The following STX18 variants were observed in gnomAD, a reference collection of about 807,000 sequenced individuals.
STX18 encodes syntaxin-18.
In STX18, 40 loss-of-function variants were observed where a neutral mutation model predicts 50.1. The observed-to-expected ratio is 0.80, with a 90% confidence interval of 0.62 to 1.04. The LOEUF (loss-of-function observed/expected upper bound fraction) is 1.04, where lower values mean the gene tolerates loss of function less well. STX18 is among the 50% of genes least tolerant of loss of function. The probability of loss-of-function intolerance (pLI) is 0.00; values close to 1 mark genes in which losing one functional copy is unlikely to be tolerated. For missense variants in STX18, 410 were observed against 415.8 expected (o/e 0.99, Z 0.12); for synonymous variants, 158 against 151.8 (o/e 1.04, Z -0.30).
chr4:4,423,813 C>T, intron 8 of STX18: 1 of 564,624 alleles, frequency 1.8e-6, no homozygotes, highest in Non-Finnish European at 3.2e-6. Flanking sequence ...TTTTGGAAGT[C>T]CACTCTACCA....
chr4:4,515,799 T>C lies in STX18; in HGVS notation c.168+25998A>G, dbSNP rs114124109. Among the ~76,000 whole-genome samples, 973 of 152,232 alleles carry C rather than the reference T, an allele frequency of 6.4e-3. 14 individuals are homozygous for C. The highest frequency in any genetic ancestry group is 0.022 in the African/African-American group (925 of 41,552). ...TAGTCAGCAGCAACATTTTAAAGGCTACTTAAAAAAATACTACTCACTGGT... is the reference window on the plus strand; with the variant it reads ...TAGTCAGCAGCAACATTTTAAAGGCCACTTAAAAAAATACTACTCACTGGT... On this transcript the variant is annotated intron_variant, in intron 1 of 10. Coordinates refer to ENST00000306200, the MANE Select transcript of STX18 (RefSeq NM_016930.4).
intron 2 of STX18, among the ~76,000 whole-genome samples, chr4:4,469,467 T>C (rs1727799728): frequency 6.6e-6 from 1 of 152,046 alleles, no homozygotes; most frequent in South Asian, 2.1e-4. Context: ...AGGTCAAATG[T>C]ATAAACTAAA....
At position 4,527,867 on chromosome 4, in the gene STX18, C is replaced by CATATAT. The variant is rs1553851958; in HGVS notation, c.168+13924_168+13929dup. 1.8e-3 allele frequency among the ~76,000 whole-genome samples: 245 copies of CATATAT among 137,198 alleles called. 1 individual carries two copies. Among genetic ancestry groups the CATATAT allele is most frequent in the African/African-American group, 5.9e-3 (225 of 37,862 alleles). 90.0% of individuals were successfully genotyped at this position (137,198 alleles called of 152,430 possible). On this transcript the variant is annotated intron_variant, in intron 1 of 10. Coordinates refer to ENST00000306200, the MANE Select transcript of STX18 (RefSeq NM_016930.4). ...ATATATATATACACACACACACACACATATATATATATATTAAAAACTACC... is the reference window on the plus strand; with the variant it reads ...ATATATATATACACACACACACACACATATATATATATATATATATTAAAAACTACC...
At chr4:4,425,357 T>A in intron 7 of STX18, 135 bp from the exon 8 acceptor site, 1 of 751,372 alleles carries the variant, frequency 1.3e-6, no homozygotes, top group African/African-American at 1.7e-5. Flanking sequence ...CAGCCGGTGC[T>A]GGACGACCGT....
chr4:4,438,304 T>G, intron 6 of STX18, 90 bp downstream of exon 6: 5 of 988,280 alleles, frequency 5.1e-6, no homozygotes, highest in Non-Finnish European at 7.8e-6. Flanking sequence ...AAAACATGTC[T>G]GAGACTGTGC....
intron 2 of STX18, among the ~76,000 whole-genome samples, chr4:4,469,107 A>T (rs1241080585): frequency 6.6e-6 from 1 of 152,186 alleles, no homozygotes; most frequent in African/African-American, 2.4e-5. Flanking sequence ...GAAGTCACAG[A>T]TGAGCATTAG....
intron 1 of STX18, among the ~76,000 whole-genome samples, chr4:4,475,167 A>G (rs1247892002): frequency 6.6e-6 from 1 of 152,224 alleles, no homozygotes; most frequent in African/African-American, 2.4e-5. Flanking sequence ...GCACATAATT[A>G]TTATACAAGA....
intron 9 of STX18, 138 bp downstream of exon 9, chr4:4,423,380 C>T (rs1048028019): frequency 4.4e-5 from 36 of 817,120 alleles, no homozygotes; most frequent in African/African-American, 1.0e-4. Flanking sequence ...AGGAGCTCTG[C>T]GCACACACAC....
At chr4:4,493,947 C>T (rs555211300) in intron 1 of STX18, among the ~76,000 whole-genome samples, 2 of 152,278 alleles carry the variant, frequency 1.3e-5, no homozygotes, top group East Asian at 1.9e-4. Context: ...GTTTGAATGT[C>T]TTTAACTCTT....
intron 1 of STX18, among the ~76,000 whole-genome samples, chr4:4,508,421 C>T (rs1416366410): frequency 1.3e-5 from 2 of 151,868 alleles, no homozygotes; most frequent in Non-Finnish European, 2.9e-5. Flanking sequence ...GTGTGTTGCA[C>T]AAAGATTATA....
chr4:4,484,811 A>G (rs181230086), intron 1 of STX18, among the ~76,000 whole-genome samples: 48 of 152,340 alleles, frequency 3.2e-4, no homozygotes, highest in Non-Finnish European at 3.8e-4. Flanking sequence ...CCGGTTAATA[A>G]TGACTACTTT....
intron 1 of STX18, among the ~76,000 whole-genome samples, chr4:4,487,033 T>C (rs1728728361): frequency 6.6e-6 from 1 of 152,122 alleles, no homozygotes; most frequent in Non-Finnish European, 1.5e-5. Context: ...AACAAAAAAC[T>C]TTCTGCCTGT....
At chr4:4,458,319 G>A (rs1219519889) in intron 3 of STX18, among the ~76,000 whole-genome samples, 1 of 152,134 alleles carries the variant, frequency 6.6e-6, no homozygotes, top group African/African-American at 2.4e-5. Context: ...ATGCCCTTAA[G>A]GGTAGAGGGC....
chr4:4,525,236 CTTG>C (rs1730695953), intron 1 of STX18, among the ~76,000 whole-genome samples: 1 of 152,114 alleles, frequency 6.6e-6, no homozygotes, highest in Non-Finnish European at 1.5e-5. Context: ...GGCAATTTAA[CTTG>C]TTGAAGGGTT....
At chr4:4,483,926 A>G (rs1728576490) in intron 1 of STX18, among the ~76,000 whole-genome samples, 2 of 151,500 alleles carry the variant, frequency 1.3e-5, no homozygotes, top group African/African-American at 2.4e-5. Flanking sequence ...CAGTGGCATG[A>G]TCTCAGCTCA....
chr4:4,542,049 G>T (rs1731636995), upstream of STX18: 7 of 1,378,914 alleles, frequency 5.1e-6, no homozygotes, highest in East Asian at 1.8e-4. Context: ...CTGAAGGACT[G>T]GTCCTGCCCC....
At chr4:4,507,053 A>T in intron 1 of STX18, 1 of 488,972 alleles carries the variant, frequency 2.0e-6, no homozygotes, top group Non-Finnish European at 4.0e-6. Context: ...AGCTCTTCCT[A>T]AGCCAGTGCT....
chr4:4,467,274 G>C (rs1685578988), intron 2 of STX18, among the ~76,000 whole-genome samples: 1 of 152,150 alleles, frequency 6.6e-6, no homozygotes, highest in Non-Finnish European at 1.5e-5. Context: ...GTTTCCAAGA[G>C]GGGCTGTTAT....
chr4:4,542,137 G>A, upstream of STX18: 1 of 862,484 alleles, frequency 1.2e-6, no homozygotes, highest in Non-Finnish European at 1.6e-6. Context: ...GGAGGAAAAA[G>A]GTTCCGGCCT....
Sources: allele counts gnomAD v4.1 joint callset (sites outside exome capture counted in the v4.1 genomes callset), GRCh38; gene constraint gnomAD v4.1.1; transcripts MANE v1.5; gene names NCBI Gene and HGNC (gene_info 2026-07-23, HGNC 2026-07-21).